Variants in IQSEC1 observed in about 807,000 individuals in gnomAD.
IQSEC1 encodes IQ motif and Sec7 domain ArfGEF 1, also known as IQ motif and SEC7 domain-containing protein 1.
In IQSEC1, 31 loss-of-function variants were observed where a neutral mutation model predicts 91.0. That is an observed-to-expected ratio of 0.34 (90% CI 0.26 to 0.46). IQSEC1 has a LOEUF of 0.46. IQSEC1 is among the 20% of genes least tolerant of loss of function. IQSEC1 has a pLI of 1.00. For synonymous variants in IQSEC1, 699 were observed against 662.6 expected (o/e 1.05, Z -0.84); for missense variants, 1,388 against 1,575.6 (o/e 0.88, Z 2.02).
intron 2 of IQSEC1, among the ~76,000 whole-genome samples, chr3:13,083,324 T>C (rs1705678165): frequency 6.6e-6 from 1 of 152,198 alleles, no homozygotes; most frequent in Non-Finnish European, 1.5e-5. Context: ...CCTGCCTCAG[T>C]CACTCACTGG....
At chr3:13,003,778 C>A (rs1172026479) in intron 1 of IQSEC1, among the ~76,000 whole-genome samples, 15 of 152,162 alleles carry the variant, frequency 9.9e-5, no homozygotes, top group Non-Finnish European at 1.0e-4. Context: ...AGTATCATGT[C>A]CATGTTAAAC....
At chr3:13,233,709 T>C (rs1694873092) in intron 1 of IQSEC1, among the ~76,000 whole-genome samples, 1 of 152,176 alleles carries the variant, frequency 6.6e-6, no homozygotes, top group African/African-American at 2.4e-5. Flanking sequence ...TCCTTGCTCT[T>C]GTTTCACAGA....
intron 2 of IQSEC1, among the ~76,000 whole-genome samples, chr3:13,147,391 C>T (rs910753735): frequency 6.6e-6 from 1 of 151,436 alleles, no homozygotes; most frequent in Non-Finnish European, 1.5e-5. Context: ...AGTTTAGCTC[C>T]CACTTATAAG....
At chr3:13,254,891 G>A (rs60043993) in intron 1 of IQSEC1, among the ~76,000 whole-genome samples, 13,409 of 152,130 alleles carry the variant, frequency 0.088, 1,326 homozygotes, top group African/African-American at 0.25. Context: ...CCTGCGACCC[G>A]GGGCCTCCAT....
chr3:13,135,333 G>C (rs570699737), intron 2 of IQSEC1, among the ~76,000 whole-genome samples: 11 of 152,356 alleles, frequency 7.2e-5, no homozygotes, highest in Non-Finnish European at 1.2e-4. Context: ...CCTATGGGTG[G>C]GGCTCAGGAG....
chr3:12,950,662 A>C (rs1699481981), intron 1 of IQSEC1, among the ~76,000 whole-genome samples: 1 of 133,920 alleles, frequency 7.5e-6, no homozygotes, highest in Admixed American at 7.4e-5. Flanking sequence ...TTTTTTTTTG[A>C]TACGGAGTCT....
chr3:13,253,175 C>A (rs1382908317), intron 1 of IQSEC1, among the ~76,000 whole-genome samples: 1 of 152,188 alleles, frequency 6.6e-6, no homozygotes, highest in Non-Finnish European at 1.5e-5. Flanking sequence ...CTCACTTAAA[C>A]CCCCAATAGC....
chr3:12,956,478 G>A (rs1343745307), intron 1 of IQSEC1, among the ~76,000 whole-genome samples: 2 of 152,136 alleles, frequency 1.3e-5, no homozygotes, highest in Non-Finnish European at 2.9e-5. Context: ...AATTAATACC[G>A]TCGCAGTGAC....
chr3:13,004,908 G>A lies in IQSEC1; in HGVS notation c.24-63043C>T, dbSNP rs145579838. Among the ~76,000 whole-genome samples the A allele has an allele frequency of 6.6e-3, 1,005 of 152,276 alleles. 15 individuals carry two copies. The highest frequency in any genetic ancestry group is 0.022 in the African/African-American group (894 of 41,540). ...AGCTGCTCAGGGACTCCAGCTCCTG[G>A]AGGTTACACGGATTCCCAAGCTGGG... On this transcript the variant is annotated intron_variant, in intron 1 of 13. Coordinates refer to ENST00000613206, the MANE Select transcript of IQSEC1 (RefSeq NM_001134382.3).
At chr3:13,265,890 TAA>T (rs56803844) in intron 1 of IQSEC1, among the ~76,000 whole-genome samples, 2,948 of 121,346 alleles carry the variant, frequency 0.024, 35 homozygotes, top group African/African-American at 0.039. Context: ...TACGGGCATT[TAA>T]AAAAAAAAAA....
chr3:12,930,385 G>A (rs574039876), intron 3 of IQSEC1, among the ~76,000 whole-genome samples: 33 of 152,294 alleles, frequency 2.2e-4, no homozygotes, highest in African/African-American at 7.7e-4. Context: ...CCTAGCTTCA[G>A]CCCCCAGGTT....
intron 1 of IQSEC1, among the ~76,000 whole-genome samples, chr3:13,169,649 G>A (rs1693570924): frequency 6.6e-6 from 1 of 152,242 alleles, no homozygotes; most frequent in South Asian, 2.1e-4. Flanking sequence ...GGTGGTCTCA[G>A]ATGGAGATGA....
At chr3:13,166,301 T>A (rs1189568877) in intron 1 of IQSEC1, among the ~76,000 whole-genome samples, 2 of 152,194 alleles carry the variant, frequency 1.3e-5, no homozygotes, top group African/African-American at 4.8e-5. Flanking sequence ...TCTATTTATG[T>A]CTCTTAGGAT....
At chr3:13,016,149 C>A (rs568997525) in intron 1 of IQSEC1, among the ~76,000 whole-genome samples, 2 of 152,268 alleles carry the variant, frequency 1.3e-5, no homozygotes, top group South Asian at 2.1e-4. Context: ...CCAGGCAGGG[C>A]CCCCCACATC....
intron 1 of IQSEC1, among the ~76,000 whole-genome samples, chr3:13,176,584 A>G (rs996194644): frequency 2.0e-5 from 3 of 152,214 alleles, no homozygotes; most frequent in Non-Finnish European, 4.4e-5. Flanking sequence ...AACAAGCCCC[A>G]GGTCCCAGGG....
At chr3:13,165,454 C>T (rs1229088467) in intron 1 of IQSEC1, among the ~76,000 whole-genome samples, 1 of 138,046 alleles carries the variant, frequency 7.2e-6, no homozygotes, top group Admixed American at 8.7e-5. Context: ...TTTGAAAGTT[C>T]TTATTTTTTG....
chr3:12,958,051 G>A (rs773704207), intron 1 of IQSEC1, among the ~76,000 whole-genome samples: 1 of 152,230 alleles, frequency 6.6e-6, no homozygotes, highest in East Asian at 1.9e-4. Flanking sequence ...GGAGGGGTGA[G>A]GCTGGCTGAG....
Position 13,193,590 on chromosome 3 carries a change from AG to A in IQSEC1, c.273-29458del, listed in dbSNP as rs975712395. Among the ~76,000 whole-genome samples the A allele has an allele frequency of 6.6e-5, 10 of 152,122 alleles. No individual in the cohort carries two copies. Among genetic ancestry groups the A allele is most frequent in the Non-Finnish European group, 1.5e-4 (10 of 68,018 alleles). On this transcript the variant is annotated intron_variant, in intron 1 of 15. Transcript: ENST00000648114. The surrounding 1 kb of genome is among the most constrained non-coding windows in gnomAD (Gnocchi z 4.2). ...GGGAGGGGAACAGAAGGTGCAGTTT[AG>A]GGGGTGAGGAGAGAAGTATCATGAG...
Position 13,030,742 on chromosome 3 carries a change from G to C in IQSEC1, c.23+42250C>G, listed in dbSNP as rs997251494. Among the ~76,000 whole-genome samples the C allele has an allele frequency of 6.6e-5, 10 of 152,254 alleles. No individual in the cohort carries two copies. In the South Asian group the frequency reaches 2.1e-3, roughly 31 times the overall value. ...TTAGGGCCCTGATTTGAACAAACCAGCTGTAAAAAGACATTTTTGGAGACC... is the reference window on the plus strand; with the variant it reads ...TTAGGGCCCTGATTTGAACAAACCACCTGTAAAAAGACATTTTTGGAGACC... On this transcript the variant is annotated intron_variant, in intron 1 of 13. Coordinates refer to ENST00000613206, the MANE Select transcript of IQSEC1 (RefSeq NM_001134382.3).
Sources: gnomAD v4.1 joint callset for allele counts (sites outside exome capture counted in the v4.1 genomes callset) on GRCh38, gnomAD v4.1.1 for gene constraint, Gnocchi (gnomAD v3.1) non-coding constraint, MANE v1.5 for transcripts, NCBI Gene and HGNC (gene_info 2026-07-23, HGNC 2026-07-21) for gene names.